The following CYBB variants were observed in gnomAD, a reference collection of about 807,000 sequenced individuals.
CYBB encodes cytochrome b-245 beta chain, also known as NADPH oxidase 2.
CYBB carries 5 observed loss-of-function variants against 46.5 expected under a neutral mutation model. The observed-to-expected ratio is 0.11, with a 90% CI of 0.06 to 0.23. The LOEUF is 0.23. CYBB is among the 10% of genes least tolerant of loss of function. The pLI, the probability that CYBB is intolerant of heterozygous loss-of-function variation, is 1.00. For missense variants in CYBB, 307 were observed against 428.3 expected, an observed-to-expected ratio of 0.72 and a Z score of 2.50; for synonymous variants, 183 against 156.7, an observed-to-expected ratio of 1.17 and a Z score of -1.26.
chrX:37,791,236 A>G (rs1556466871), intron 3 of CYBB, among the ~76,000 whole-genome samples: 1 of 111,232 alleles, frequency 9.0e-6, no homozygotes. Context: ...TCTGTTATGT[A>G]GTAATAATAA....
At chrX:37,806,198 G>A (rs1673297364) in intron 10 of CYBB, among the ~76,000 whole-genome samples, 189 bp from the exon 11 acceptor site, 1 of 111,917 alleles carries the variant, frequency 8.9e-6, no homozygotes. Flanking sequence ...TTACTGCCCT[G>A]CTAGAGTGAA....
At chrX:37,799,548 C>T (rs1929393515) in intron 7 of CYBB, among the ~76,000 whole-genome samples, 1 of 111,600 alleles carries the variant, frequency 9.0e-6, no homozygotes, top group Non-Finnish European at 1.9e-5. Context: ...CATAAGGCTA[C>T]CTTTAGGCAT....
At chrX:37,785,759 A>G (rs1929053454) in intron 3 of CYBB, among the ~76,000 whole-genome samples, 1 of 111,493 alleles carries the variant, frequency 9.0e-6, no homozygotes, top group Admixed American at 9.5e-5. Context: ...CCCTACCCCC[A>G]TTAGAATAGT....
rs11338914 is a variant in CYBB at position 37,813,208 on chromosome X, CTTTTTTTTTTTTT to C, written c.*2302_*2314del. 1.6e-5 allele frequency: 1 copy of C among 64,182 alleles called. No individual in the cohort carries two copies. The highest frequency in any genetic ancestry group is 1.8e-4 in the Admixed American group (1 of 5,533). 5.3% of individuals were successfully genotyped at this position (64,182 alleles called of 1,213,427 possible). A position where few individuals can be genotyped will look rare whatever the true frequency, so the allele number is the denominator to read the frequency against. On this transcript the variant is annotated 3_prime_UTR_variant, in exon 13 of 13. Coordinates refer to ENST00000378588, the MANE Select transcript of CYBB (RefSeq NM_000397.4). ...CACCAGCAGCCAGCTGCCAGCCTAG[CTTTTTTTTTTTTT>C]TTTTTTTTTTAGCACTTAGTATTTA...
chrX:37,782,316 C>G (rs1928969352), intron 2 of CYBB, 133 bp downstream of exon 2: 7 of 513,597 alleles, frequency 1.4e-5, no homozygotes, highest in Non-Finnish European at 2.4e-5. Context: ...CTCACTCCCT[C>G]CATTGCAACT....
In CYBB at chrX:37,806,375, C is replaced by A. The variant is rs781855937; in HGVS notation, c.1315-12C>A. 1.7e-6 allele frequency: 2 copies of A among 1,210,133 alleles called. No homozygotes were observed. The highest frequency in any genetic ancestry group is 2.2e-6 in the Non-Finnish European group (2 of 894,123). ...CAAATATAATCTGCTTCATGATCCA[C>A]CCCATTTTCAGATCTACTTCTACTG... On this transcript the variant is annotated splice_polypyrimidine_tract_variant and intron_variant, in intron 10 of 12. Transcript: ENST00000378588.
chrX:37,805,216 T>C, intron 10 of CYBB, 48 bp downstream of exon 10: 2 of 1,169,508 alleles, frequency 1.7e-6, no homozygotes, highest in African/African-American at 1.8e-5. Context: ...AACCATACTC[T>C]GCCATGTGAG....
chrX:37,804,128 T>C lies in CYBB; in HGVS notation c.1149T>C (p.Pro383=). The C allele has an allele frequency of 1.7e-6, 2 of 1,210,177 alleles. No individual in the cohort carries two copies. Among genetic ancestry groups the C allele is most frequent in the Middle Eastern group, 2.3e-4 (1 of 4,347 alleles). ...AGTTTCAAGATGCGTGGAAACTACC[T>C]AAGTGAGTAAAAAGTACATATTACC... ...KQEFQDAWKL[P]KIAVDGPFGT... Residue 383 remains proline (P), a splice_region_variant and synonymous_variant, in exon 9 of 13, where the codon CCT becomes CCC. Transcript: ENST00000378588.
At position 37,813,443 on chromosome X, in the gene CYBB, T is replaced by C. The variant is rs1273234126; in HGVS notation, c.*2526T>C. ...GAATTCTTAAAACTGTGCTCAACTA[T>C]TAAAATGAATGAGCTTTCTTTGTGT... On this transcript the variant is annotated 3_prime_UTR_variant, in exon 13 of 13. Transcript: ENST00000378588. 3 of 111,377 alleles carry C rather than the reference T, an allele frequency of 2.7e-5. No homozygotes were observed. The highest frequency in any genetic ancestry group is 5.7e-5 in the Non-Finnish European group (3 of 53,079). 9.2% of individuals were successfully genotyped at this position (111,377 alleles called of 1,213,427 possible).
At position 37,811,005 on chromosome X, in the gene CYBB, A is replaced by C. The variant is rs1420794418; in HGVS notation, c.*88A>C. The C allele has an allele frequency of 2.3e-6, 2 of 854,183 alleles. No individual in the cohort carries two copies. Among genetic ancestry groups the C allele is most frequent in the Non-Finnish European group, 3.4e-6 (2 of 595,787 alleles). The allele number at this position is 854,183 out of a possible 1,213,427, so 70.4% of individuals were successfully genotyped here. A position where few individuals can be genotyped will look rare whatever the true frequency, so the allele number is the denominator to read the frequency against. On this transcript the variant is annotated 3_prime_UTR_variant, in exon 13 of 13. Transcript: ENST00000378588. ...TGATAATATAAATACCCCCTGCTTAAAAATGGACAAAAAGAAACTATAATG... is the reference window on the plus strand; with the variant it reads ...TGATAATATAAATACCCCCTGCTTACAAATGGACAAAAAGAAACTATAATG...
intron 2 of CYBB, among the ~76,000 whole-genome samples, chrX:37,782,723 C>T (rs1556464672): frequency 9.0e-6 from 1 of 111,708 alleles, no homozygotes; most frequent in African/African-American, 3.3e-5. Context: ...CTTTAGTATT[C>T]TGAGTTTCCT....
At position 37,801,294 on chromosome X, in the gene CYBB, C is replaced by A. The variant is rs1569479711; in HGVS notation, c.843C>A (p.Leu281=). The A allele has an allele frequency of 5.0e-6, 6 of 1,207,237 alleles. No individual in the cohort carries two copies. The highest frequency in any genetic ancestry group is 2.2e-5 in the Admixed American group (1 of 45,589). Residue 281 remains leucine, a synonymous_variant, in exon 8 of 13, where the codon CTC becomes CTA. Transcript: ENST00000378588. ...KWIVGPMFLY[L]CERLVRFWRS... ...TAGTGGGTCCCATGTTTCTGTATCT[C>A]TGTGAGAGGTTGGTGCGGTTTTGGC...
chrX:37,802,375 C>A (rs1259020502), intron 8 of CYBB, among the ~76,000 whole-genome samples: 2 of 111,614 alleles, frequency 1.8e-5, no homozygotes, highest in African/African-American at 6.5e-5. Context: ...TTTTCTTAAA[C>A]ATACCTTTAA....
intron 4 of CYBB, among the ~76,000 whole-genome samples, chrX:37,792,969 C>T (rs932808341): frequency 9.1e-6 from 1 of 109,414 alleles, no homozygotes; most frequent in Non-Finnish European, 1.9e-5. Context: ...GCTTGATGAC[C>T]TTGAACAAGG....
chrX:37,811,630 G>T lies in CYBB; in HGVS notation c.*713G>T, dbSNP rs1929677679. 1 of 112,109 alleles carries T rather than the reference G, an allele frequency of 8.9e-6. No homozygotes were observed. Among genetic ancestry groups the T allele is most frequent in the Non-Finnish European group, 1.9e-5 (1 of 53,215 alleles). 9.2% of individuals were successfully genotyped at this position (112,109 alleles called of 1,213,427 possible). The stretch of plus-strand genomic sequence containing the variant: ...TGCTTGGCAGAGAGCGGATACTCAA[G>T]TAAGTTTTGTTAAATGAATGAATGA... On this transcript the variant is annotated 3_prime_UTR_variant, in exon 13 of 13. Transcript: ENST00000378588.
intron 1 of CYBB, among the ~76,000 whole-genome samples, chrX:37,780,899 C>G (rs911805992): frequency 9.0e-6 from 1 of 111,062 alleles, no homozygotes; most frequent in African/African-American, 3.3e-5. Context: ...GATAGAAATA[C>G]GATTTTTAAA....
chrX:37,801,054 T>G (rs1441580249), intron 7 of CYBB, among the ~76,000 whole-genome samples: 1 of 112,234 alleles, frequency 8.9e-6, no homozygotes, highest in Admixed American at 9.4e-5. Context: ...CTAAGGAGAA[T>G]GTTTACTTTT....
At chrX:37,783,069 G>T (rs1366466465) in intron 2 of CYBB, among the ~76,000 whole-genome samples, 1 of 111,209 alleles carries the variant, frequency 9.0e-6, no homozygotes, top group African/African-American at 3.3e-5. Context: ...TTAATGATAT[G>T]CACCTTAAGT....
intron 3 of CYBB, among the ~76,000 whole-genome samples, chrX:37,790,313 T>C (rs1556466629): frequency 9.0e-6 from 1 of 111,476 alleles, no homozygotes; most frequent in Admixed American, 9.5e-5. Flanking sequence ...ACACTTAAAT[T>C]CTTGTCACAG....
Sources: gnomAD v4.1 joint callset for allele counts (sites outside exome capture counted in the v4.1 genomes callset) on GRCh38, gnomAD v4.1.1 for gene constraint, MANE v1.5 for transcripts, NCBI Gene and HGNC (gene_info 2026-07-23, HGNC 2026-07-21) for gene names.